The following OR5H14 variants were observed in gnomAD, a reference collection of about 807,000 sequenced individuals.
OR5H14 encodes the protein olfactory receptor 5H14.
For missense variants in OR5H14, 392 were observed against 363.9 expected (o/e 1.08, Z -0.63); for synonymous variants, 155 against 130.6 (o/e 1.19, Z -1.28).
In OR5H14 at chr3:98,150,141, T is replaced by C. The variant is rs1708484431; in HGVS notation, c.756T>C (p.Tyr252=). The C allele has an allele frequency of 6.2e-7, 1 of 1,611,796 alleles. No homozygotes were observed. The highest frequency in any genetic ancestry group is 2.2e-5 in the East Asian group (1 of 44,752). ...ATCTCTTATCTGTATCTTTATACTA[T>C]GGGCCCCTCGCCTTCATGTATATGG... ...GAHLLSVSLY[Y]GPLAFMYMGS... is the part of the protein sequence containing the mutation. The change falls in exon 2 of 2, where the codon TAT becomes TAC. Residue 252 remains tyrosine (Y), a synonymous_variant. Transcript: ENST00000641380.
Position 98,154,258 on chromosome 3 carries a change from C to T in OR5H14, c.*3940C>T, listed in dbSNP as rs77740550. On this transcript the variant is annotated 3_prime_UTR_variant, in exon 2 of 2. Transcript: ENST00000641380. ...GAGGATTATTTGTTATTTTCCCAAC[C>T]CTTTTTGTTCCTTTTCTGGAAGATT... 6.6e-6 allele frequency: 1 copy of T among 152,116 alleles called. No homozygotes were observed. Among genetic ancestry groups the T allele is most frequent in the Non-Finnish European group, 1.5e-5 (1 of 68,040 alleles). 9.4% of individuals were successfully genotyped at this position (152,116 alleles called of 1,614,324 possible).
chr3:98,153,605 G>A lies in OR5H14; in HGVS notation c.*3287G>A, dbSNP rs186160143. On this transcript the variant is annotated 3_prime_UTR_variant, in exon 2 of 2. Transcript: ENST00000641380. Reference sequence around the variant, plus strand: ...CTCAGAAAAAGAAAAGAAAGTTAGTGGTTATAGCAATCTATAAACTTAGTA... The same window carrying A: ...CTCAGAAAAAGAAAAGAAAGTTAGTAGTTATAGCAATCTATAAACTTAGTA... 5 of 152,188 alleles carry A rather than the reference G, an allele frequency of 3.3e-5. No homozygotes were observed. The East Asian group carries it at 7.7e-4, about 24-fold the overall frequency. 9.4% of individuals were successfully genotyped at this position (152,188 alleles called of 1,614,324 possible). A position where few individuals can be genotyped will look rare whatever the true frequency, so the allele number is the denominator to read the frequency against.
In OR5H14 at chr3:98,156,047, C is replaced by G. The variant is rs1357397290; in HGVS notation, c.*5729C>G. The G allele has an allele frequency of 2.0e-5, 3 of 152,150 alleles. No individual in the cohort carries two copies. The highest frequency in any genetic ancestry group is 4.4e-5 in the Non-Finnish European group (3 of 68,014). 9.4% of individuals were successfully genotyped at this position (152,150 alleles called of 1,614,324 possible). ...TCTCAGGGGAATTTCAGTTCTCTGA[C>G]TTTTTCTCTCCTGGTCAAAACGGAG... On this transcript the variant is annotated 3_prime_UTR_variant, in exon 2 of 2. Transcript: ENST00000641380.
Position 98,154,899 on chromosome 3 carries a change from T to G in OR5H14, c.*4581T>G, listed in dbSNP as rs116200069. The G allele has an allele frequency of 6.6e-6, 1 of 152,008 alleles. No individual in the cohort carries two copies. The highest frequency in any genetic ancestry group is 1.5e-5 in the Non-Finnish European group (1 of 67,988). 9.4% of individuals were successfully genotyped at this position (152,008 alleles called of 1,614,324 possible). On this transcript the variant is annotated 3_prime_UTR_variant, in exon 2 of 2. Transcript: ENST00000641380. ...TAGCTTGGGGATCTGACCACCTTTG[T>G]AAAACTCACAGATTATCACAAGATT...
In OR5H14 at chr3:98,149,630, T is replaced by A. The variant is rs373077532; in HGVS notation, c.245T>A (p.Leu82Gln). 1.1e-5 allele frequency: 17 copies of A among 1,613,536 alleles called. No homozygotes were observed. Among genetic ancestry groups the A allele is most frequent in the Admixed American group, 1.7e-5 (1 of 59,966 alleles). ...TCATCCTCAGTGACTCTGAAGATGC[T>A]GATCAACTTCTTAGCTAAGAGTAAG... ...LLSSSVTLKMLINFLAKSKMI... is the reference protein window; with the variant it reads ...LLSSSVTLKMQINFLAKSKMI... Residue 82 changes from leucine (L) to glutamine (Q), a missense_variant, in exon 2 of 2, where the codon CTG becomes CAG. Transcript: ENST00000641380.
Position 98,150,034 on chromosome 3 carries a change from T to A in OR5H14, c.649T>A (p.Ser217Thr). 3.7e-6 allele frequency: 6 copies of A among 1,612,844 alleles called. No individual in the cohort carries two copies. The highest frequency in any genetic ancestry group is 5.1e-6 in the Non-Finnish European group (6 of 1,179,490). ...TTTTACCATAGGGACTGTTCTTATA[T>A]CTTACATATTTGTCCTCTATACAAT... Reference protein sequence around the residue: ...QVFTIGTVLISYIFVLYTILK... With the variant: ...QVFTIGTVLITYIFVLYTILK... The change falls in exon 2 of 2, where the codon TCT (serine) becomes ACT (threonine). Residue 217 changes from serine to threonine, a missense_variant. Physicochemically the swap from Ser to Thr is moderately conservative, Grantham distance 58. Transcript: ENST00000641380.
chr3:98,150,034 T>G lies in OR5H14; in HGVS notation c.649T>G (p.Ser217Ala). 1.2e-6 allele frequency: 2 copies of G among 1,612,844 alleles called. No individual in the cohort carries two copies. The highest frequency in any genetic ancestry group is 4.5e-5 in the East Asian group (2 of 44,764). Reference sequence around the variant, plus strand: ...TTTTACCATAGGGACTGTTCTTATATCTTACATATTTGTCCTCTATACAAT... The same window carrying G: ...TTTTACCATAGGGACTGTTCTTATAGCTTACATATTTGTCCTCTATACAAT... Reference protein sequence around the residue: ...QVFTIGTVLISYIFVLYTILK... With the variant: ...QVFTIGTVLIAYIFVLYTILK... The change falls in exon 2 of 2, where the codon TCT becomes GCT. Residue 217 changes from serine to alanine, a missense_variant. Physicochemically the swap from Ser to Ala is moderately conservative, Grantham distance 99 (BLOSUM62 1). Coordinates refer to ENST00000641380, the MANE Select transcript of OR5H14 (RefSeq NM_001005514.2).
rs1482425959 is a variant in OR5H14, at chr3:98,153,447, G to A, written c.*3129G>A. The A allele has an allele frequency of 6.6e-6, 1 of 152,118 alleles. No individual in the cohort carries two copies. The highest frequency in any genetic ancestry group is 1.5e-5 in the Non-Finnish European group (1 of 68,042). The allele number at this position is 152,118 out of a possible 1,614,324, so 9.4% of individuals were successfully genotyped here. A position where few individuals can be genotyped will look rare whatever the true frequency, so the allele number is the denominator to read the frequency against. On this transcript the variant is annotated 3_prime_UTR_variant, in exon 2 of 2. Transcript: ENST00000641380. ...AAATGCAAAAAATTAGCCGGGCGTGGTGGCAGGTGCCTGTGATCCCAGCTA... is the reference window on the plus strand; with the variant it reads ...AAATGCAAAAAATTAGCCGGGCGTGATGGCAGGTGCCTGTGATCCCAGCTA...
intron 1 of OR5H14, among the ~76,000 whole-genome samples, chr3:98,149,142 C>A (rs909004162): frequency 1.3e-5 from 2 of 151,928 alleles, no homozygotes; most frequent in Non-Finnish European, 2.9e-5. Context: ...CAAGACTGTG[C>A]CCATAAATTT....
In OR5H14 at chr3:98,149,925, C is replaced by T. The variant is rs1553729135; in HGVS notation, c.540C>T (p.Asp180=). The T allele has an allele frequency of 1.9e-6, 3 of 1,613,346 alleles. No homozygotes were observed. The highest frequency in any genetic ancestry group is 2.5e-6 in the Non-Finnish European group (3 of 1,179,614). ...ACATAATACAACACTTTTACTGTGA[C>T]ATTATCCCATTGTTAAAGATTTCTT... ...NSNIIQHFYC[D]IIPLLKISYT... The change falls in exon 2 of 2, where the codon GAC becomes GAT. Residue 180 remains aspartate (D), a synonymous_variant. Transcript: ENST00000641380.
chr3:98,154,660 T>A lies in OR5H14; in HGVS notation c.*4342T>A, dbSNP rs925326328. 6.6e-6 allele frequency: 1 copy of A among 152,222 alleles called. No homozygotes were observed. The highest frequency in any genetic ancestry group is 2.4e-5 in the African/African-American group (1 of 41,474). The allele number at this position is 152,222 out of a possible 1,614,324, so 9.4% of individuals were successfully genotyped here. Reference sequence around the variant, plus strand: ...AGATAGAGTATGATAGAATGAAATATAGTTGAAACCACCTTTGCAAAAATG... The same window carrying A: ...AGATAGAGTATGATAGAATGAAATAAAGTTGAAACCACCTTTGCAAAAATG... On this transcript the variant is annotated 3_prime_UTR_variant, in exon 2 of 2. Coordinates refer to ENST00000641380, the MANE Select transcript of OR5H14 (RefSeq NM_001005514.2).
intron 1 of OR5H14, among the ~76,000 whole-genome samples, chr3:98,149,124 AC>A (rs1184775310): frequency 6.6e-6 from 1 of 152,044 alleles, no homozygotes; most frequent in Non-Finnish European, 1.5e-5. Flanking sequence ...GGATTGTTCT[AC>A]CACATTCAAG....
rs980498584 is a variant in OR5H14 at position 98,156,315 on chromosome 3, G to A, written c.*5997G>A. ...TATCATATCCACTATTATTTTTAAA[G>A]AAATTTTAAAATGCTATTTAATATA... On this transcript the variant is annotated 3_prime_UTR_variant, in exon 2 of 2. Coordinates refer to ENST00000641380, the MANE Select transcript of OR5H14 (RefSeq NM_001005514.2). 8 of 151,998 alleles carry A rather than the reference G, an allele frequency of 5.3e-5. No individual in the cohort carries two copies. The highest frequency in any genetic ancestry group is 1.9e-4 in the African/African-American group (8 of 41,364). The allele number at this position is 151,998 out of a possible 1,614,324, so 9.4% of individuals were successfully genotyped here.
rs781070332 is a variant in OR5H14 at position 98,149,663 on chromosome 3, C to A, written c.278C>A (p.Ser93Tyr). The change falls in exon 2 of 2, where the codon TCT becomes TAT. Residue 93 changes from serine to tyrosine, a missense_variant. Transcript: ENST00000641380. ...TTCTTAGCTAAGAGTAAGATGATAT[C>A]TCTCTCTGAATGCAAGATACAGTTG... ...INFLAKSKMI[S>Y]LSECKIQLFS... The A allele has an allele frequency of 6.2e-7, 1 of 1,613,552 alleles. No homozygotes were observed. The highest frequency in any genetic ancestry group is 1.1e-5 in the South Asian group (1 of 91,066).
rs1243054053 is a variant in OR5H14, at chr3:98,153,095, T to C, written c.*2777T>C. ...GTTTCTTTTATTGGACACTTTGTTTTTGCCATGTTAATCATATAGAGAAAA... is the reference window on the plus strand; with the variant it reads ...GTTTCTTTTATTGGACACTTTGTTTCTGCCATGTTAATCATATAGAGAAAA... On this transcript the variant is annotated 3_prime_UTR_variant, in exon 2 of 2. Transcript: ENST00000641380. 1 of 152,158 alleles carries C rather than the reference T, an allele frequency of 6.6e-6. No individual in the cohort carries two copies. Among genetic ancestry groups the C allele is most frequent in the Non-Finnish European group, 1.5e-5 (1 of 68,016 alleles). 9.4% of individuals were successfully genotyped at this position (152,158 alleles called of 1,614,324 possible).
chr3:98,149,256 T>C (rs554953167), intron 1 of OR5H14, 112 bp from the exon 2 acceptor site: 17 of 1,107,848 alleles, frequency 1.5e-5, no homozygotes, highest in Non-Finnish European at 2.0e-5. Flanking sequence ...ATAATAATGA[T>C]CAAAAAATTG....
Position 98,151,025 on chromosome 3 carries a change from G to C in OR5H14, c.*707G>C, listed in dbSNP as rs1413257450. ...CTTTCCAGCTGTGATTGTGTTTTCA[G>C]AGAATCTGAAAAGCTTCCCTAAATC... On this transcript the variant is annotated 3_prime_UTR_variant, in exon 2 of 2. Transcript: ENST00000641380. 6.6e-6 allele frequency: 1 copy of C among 152,026 alleles called. No individual in the cohort carries two copies. The highest frequency in any genetic ancestry group is 6.6e-5 in the Admixed American group (1 of 15,254). The allele number at this position is 152,026 out of a possible 1,614,324, so 9.4% of individuals were successfully genotyped here.
Position 98,150,415 on chromosome 3 carries a change from T to C in OR5H14, c.*97T>C. The stretch of plus-strand genomic sequence containing the variant: ...TTGCCAGCATTAAAAGATTTTGCAA[T>C]TATAACTGTCCTAGCGCTTTAATGA... On this transcript the variant is annotated 3_prime_UTR_variant, in exon 2 of 2. Coordinates refer to ENST00000641380, the MANE Select transcript of OR5H14 (RefSeq NM_001005514.2). 1.3e-6 allele frequency: 1 copy of C among 755,904 alleles called. No homozygotes were observed. The highest frequency in any genetic ancestry group is 2.7e-5 in the East Asian group (1 of 36,448). 46.8% of individuals were successfully genotyped at this position (755,904 alleles called of 1,614,324 possible).
chr3:98,154,801 C>A lies in OR5H14; in HGVS notation c.*4483C>A, dbSNP rs995246142. 1 of 152,128 alleles carries A rather than the reference C, an allele frequency of 6.6e-6. No homozygotes were observed. The highest frequency in any genetic ancestry group is 2.1e-4 in the South Asian group (1 of 4,802). 9.4% of individuals were successfully genotyped at this position (152,128 alleles called of 1,614,324 possible). On this transcript the variant is annotated 3_prime_UTR_variant, in exon 2 of 2. Coordinates refer to ENST00000641380, the MANE Select transcript of OR5H14 (RefSeq NM_001005514.2). ...TCATTCCTGAGTGTAGGTCCAACTA[C>A]CTCTGGGAGGAATTTATAGTTTGAT...
Sources: allele counts gnomAD v4.1 joint callset (sites outside exome capture counted in the v4.1 genomes callset), GRCh38; gene constraint gnomAD v4.1.1; transcripts MANE v1.5; gene names NCBI Gene and HGNC (gene_info 2026-07-23, HGNC 2026-07-21).